The following CCDC149 variants were observed in gnomAD, a reference collection of about 807,000 sequenced individuals.
The protein encoded by CCDC149 is coiled-coil domain containing 149.
A neutral mutation model predicts 59.9 loss-of-function variants in CCDC149; 45 were observed. The observed-to-expected ratio is 0.75, with a 90% CI of 0.59 to 0.96. The LOEUF is 0.96. Ranked by LOEUF, CCDC149 falls within the 40% of genes least tolerant of loss-of-function variation. CCDC149 has a pLI of 0.00. For synonymous variants in CCDC149, 245 were observed against 260.6 expected (o/e 0.94, Z 0.58); for missense variants, 584 against 664.7 (o/e 0.88, Z 1.33).
intron 4 of CCDC149, among the ~76,000 whole-genome samples, chr4:24,851,283 G>C (rs1293536776): frequency 6.6e-6 from 1 of 152,172 alleles, no homozygotes; most frequent in African/African-American, 2.4e-5. Context: ...TTTTGAAAGA[G>C]ATGGGGTCTC....
chr4:24,851,765 G>A (rs1717672687), intron 4 of CCDC149, among the ~76,000 whole-genome samples: 1 of 151,970 alleles, frequency 6.6e-6, no homozygotes, highest in African/African-American at 2.4e-5. Context: ...GCTATCACTT[G>A]AGGAAGTGAG....
chr4:24,908,753 A>G (rs906052284), intron 1 of CCDC149, among the ~76,000 whole-genome samples: 2 of 152,248 alleles, frequency 1.3e-5, no homozygotes, highest in Non-Finnish European at 2.9e-5. Flanking sequence ...GCGGAGGCCC[A>G]TGGTTAACTG....
chr4:24,899,864 C>T (rs1721060118), intron 1 of CCDC149, among the ~76,000 whole-genome samples: 1 of 152,200 alleles, frequency 6.6e-6, no homozygotes. Context: ...TAACCAACAC[C>T]TGATGCTCCA....
chr4:24,878,654 C>A (rs528319359), intron 1 of CCDC149, among the ~76,000 whole-genome samples: 1 of 152,334 alleles, frequency 6.6e-6, no homozygotes, highest in African/African-American at 2.4e-5. Flanking sequence ...AAGACAGTCA[C>A]CTTTATCCCT....
At chr4:24,923,698 T>C (rs572617731) in intron 1 of CCDC149, among the ~76,000 whole-genome samples, 4 of 152,248 alleles carry the variant, frequency 2.6e-5, no homozygotes, top group African/African-American at 9.6e-5. Context: ...GAGATCAGAC[T>C]GGAGGGAGGA....
chr4:24,843,240 C>T (rs954737126), intron 4 of CCDC149, among the ~76,000 whole-genome samples: 13 of 152,254 alleles, frequency 8.5e-5, no homozygotes, highest in South Asian at 4.2e-4. Flanking sequence ...CCAGAGCTAT[C>T]GAGAGGGTCA....
At position 24,853,070 on chromosome 4, in the gene CCDC149, ACC is replaced by A. The variant is rs771827508; in HGVS notation, c.372_372+1del. The A allele has an allele frequency of 1.4e-5, 22 of 1,591,674 alleles. No homozygotes were observed. Among genetic ancestry groups the A allele is most frequent in the Non-Finnish European group, 1.8e-5 (21 of 1,159,776 alleles). On this transcript the variant is annotated splice_donor_variant and coding_sequence_variant, in exon 4 of 13. Coordinates refer to ENST00000635206, the MANE Select transcript of CCDC149 (RefSeq NM_001330643.2). LOFTEE classifies it high-confidence loss of function. The stretch of plus-strand genomic sequence containing the variant: ...CTTCTTCCCTGTAAATACTCACAGT[ACC>A]TTGTTGTCGCCCTGGACTTCTCCAA...
At chr4:24,854,716 C>T (rs981358750) in intron 3 of CCDC149, among the ~76,000 whole-genome samples, 9 of 152,216 alleles carry the variant, frequency 5.9e-5, no homozygotes, top group Admixed American at 2.0e-4. Context: ...GCTGACCTCC[C>T]GTATCCCATT....
chr4:24,964,964 T>C (rs954179471), intron 1 of CCDC149, among the ~76,000 whole-genome samples: 4 of 151,212 alleles, frequency 2.6e-5, no homozygotes, highest in Admixed American at 6.6e-5. Context: ...TTTTGTCTGA[T>C]GAAAAAATCC....
At chr4:24,913,420 A>G (rs1334442300), upstream of CCDC149, among the ~76,000 whole-genome samples, 9 of 152,230 alleles carry the variant, frequency 5.9e-5, no homozygotes, top group Admixed American at 5.9e-4. Context: ...TGCTCTACAT[A>G]TATTTATTGG....
intron 12 of CCDC149, among the ~76,000 whole-genome samples, chr4:24,816,113 A>T (rs1005153660): frequency 6.6e-6 from 1 of 151,994 alleles, no homozygotes; most frequent in Non-Finnish European, 1.5e-5. Flanking sequence ...TCTTTGAGAC[A>T]GGATCTCACA....
upstream of CCDC149, among the ~76,000 whole-genome samples, chr4:24,915,403 T>A (rs928130117): frequency 2.0e-5 from 3 of 152,218 alleles, no homozygotes; most frequent in Non-Finnish European, 4.4e-5. Context: ...TTTCCACAGT[T>A]AGCTGAGCCC....
At chr4:24,951,066 C>A (rs961083383) in intron 1 of CCDC149, among the ~76,000 whole-genome samples, 1 of 152,220 alleles carries the variant, frequency 6.6e-6, no homozygotes, top group Non-Finnish European at 1.5e-5. Flanking sequence ...AAGGGGGCCT[C>A]AGGCAGGGAT....
chr4:24,834,972 T>C lies in CCDC149; in HGVS notation c.796A>G (p.Thr266Ala). 4.3e-6 allele frequency: 7 copies of C among 1,613,964 alleles called. No individual in the cohort carries two copies. Among genetic ancestry groups the C allele is most frequent in the Non-Finnish European group, 5.9e-6 (7 of 1,179,898 alleles). ...CCTTGCTTTGCAGACAGGACTCCTGTCAGAGCACTGCTGCTGGATTTACCC... is the reference window on the plus strand; with the variant it reads ...CCTTGCTTTGCAGACAGGACTCCTGCCAGAGCACTGCTGCTGGATTTACCC... Residue 266 changes from threonine (T) to alanine (A), a missense_variant, in exon 8 of 13, where the codon ACA (threonine) becomes GCA (alanine). Physicochemically the swap from Thr to Ala is moderately conservative, Grantham distance 58. Coordinates refer to ENST00000635206, the MANE Select transcript of CCDC149 (RefSeq NM_001330643.2).
At chr4:24,907,509 T>C (rs925685923) in intron 1 of CCDC149, among the ~76,000 whole-genome samples, 2 of 152,108 alleles carry the variant, frequency 1.3e-5, no homozygotes, top group Non-Finnish European at 2.9e-5. Flanking sequence ...TAAGTGGATT[T>C]AAATGGAGCA....
chr4:24,804,874 C>T (rs1021243451), downstream of CCDC149, among the ~76,000 whole-genome samples: 2 of 152,168 alleles, frequency 1.3e-5, no homozygotes, highest in Non-Finnish European at 2.9e-5. Context: ...ACTAATTTAG[C>T]TTGCTTAAGA....
At chr4:24,895,023 A>G in intron 1 of CCDC149, 1 of 1,535,886 alleles carries the variant, frequency 6.5e-7, no homozygotes, top group East Asian at 2.4e-5. Flanking sequence ...TCTGGCGATG[A>G]TGATGATGAT....
At chr4:24,832,892 T>C (rs1177043726) in intron 8 of CCDC149, among the ~76,000 whole-genome samples, 1 of 152,206 alleles carries the variant, frequency 6.6e-6, no homozygotes, top group Non-Finnish European at 1.5e-5. Context: ...TACAACTATG[T>C]TTTCCCAGTT....
intron 4 of CCDC149, among the ~76,000 whole-genome samples, chr4:24,846,947 G>A (rs1717326734): frequency 6.6e-6 from 1 of 152,180 alleles, no homozygotes; most frequent in Non-Finnish European, 1.5e-5. Flanking sequence ...TGTCCCAGTG[G>A]GAACATGAAT....
Sources: allele counts gnomAD v4.1 joint callset (sites outside exome capture counted in the v4.1 genomes callset), GRCh38; gene constraint gnomAD v4.1.1; transcripts MANE v1.5; gene names NCBI Gene and HGNC (gene_info 2026-07-23, HGNC 2026-07-21).